Variants in PTPRD observed in about 807,000 individuals in gnomAD.
PTPRD encodes the protein receptor-type tyrosine-protein phosphatase delta.
Under a neutral mutation model 214.5 loss-of-function variants are expected in PTPRD, and 34 were observed. The ratio of observed to expected loss-of-function variants is 0.16; its 90% CI spans 0.12 to 0.21. The LOEUF (loss-of-function observed/expected upper bound fraction) is 0.21. PTPRD is among the 10% of genes least tolerant of loss of function. The pLI is 1.00. For missense variants in PTPRD, 2,545 were observed against 2,398.7 expected (o/e 1.06, Z -1.27); for synonymous variants, 1,128 against 845.7 (o/e 1.33, Z -5.79).
chr9:10,139,401 A>T (rs1396742470), intron 3 of PTPRD, among the ~76,000 whole-genome samples: 1 of 152,112 alleles, frequency 6.6e-6, no homozygotes, highest in Non-Finnish European at 1.5e-5. Context: ...ATGGAAAAAC[A>T]TTCCATTCTC....
chr9:10,515,397 T>C (rs1455405123), intron 2 of PTPRD, among the ~76,000 whole-genome samples: 1 of 146,402 alleles, frequency 6.8e-6, no homozygotes, highest in Admixed American at 6.8e-5. Context: ...GGTCTTTTAT[T>C]ACCATAAAAG....
intron 10 of PTPRD, among the ~76,000 whole-genome samples, chr9:9,058,248 G>T (rs12000968): frequency 0.055 from 8,424 of 152,018 alleles, 408 homozygotes; most frequent in African/African-American, 0.13. Flanking sequence ...TCAACCGAGA[G>T]AAGTAAGTTG....
intron 8 of PTPRD, among the ~76,000 whole-genome samples, chr9:9,466,143 A>G (rs1193215921): frequency 6.6e-6 from 1 of 151,980 alleles, no homozygotes; most frequent in Non-Finnish European, 1.5e-5. Flanking sequence ...CCTCCTCTAT[A>G]TAAAAAAATA....
At chr9:8,847,786 T>C (rs918955117) in intron 11 of PTPRD, among the ~76,000 whole-genome samples, 2 of 152,286 alleles carry the variant, frequency 1.3e-5, no homozygotes, top group Non-Finnish European at 1.5e-5. Flanking sequence ...TCCACCCTTA[T>C]TGATAATGAA....
intron 24 of PTPRD, 100 bp from the exon 25 acceptor site, chr9:8,499,940 T>G (rs1019403657): frequency 2.5e-5 from 25 of 998,950 alleles, no homozygotes; most frequent in Non-Finnish European, 3.5e-5. Flanking sequence ...TTTCAAAAAA[T>G]GGGTAAACCC....
intron 7 of PTPRD, among the ~76,000 whole-genome samples, chr9:9,665,042 CAT>C (rs2096691502): frequency 6.6e-6 from 1 of 151,528 alleles, no homozygotes; most frequent in African/African-American, 2.4e-5. Context: ...TGTCACTCTT[CAT>C]ATGTGTATAT....
intron 3 of PTPRD, among the ~76,000 whole-genome samples, chr9:10,035,338 AC>A (rs1432457189): frequency 6.6e-6 from 1 of 151,748 alleles, no homozygotes; most frequent in Admixed American, 6.6e-5. Flanking sequence ...TGGATATTAG[AC>A]CTTTGTCATA....
intron 2 of PTPRD, among the ~76,000 whole-genome samples, chr9:10,526,760 G>C (rs1025846421): frequency 6.6e-6 from 1 of 152,080 alleles, no homozygotes; most frequent in Non-Finnish European, 1.5e-5. Context: ...GTTCCTTAAA[G>C]TTACAGTAGT....
At chr9:10,176,931 G>C (rs566828513) in intron 3 of PTPRD, among the ~76,000 whole-genome samples, 2 of 152,004 alleles carry the variant, frequency 1.3e-5, no homozygotes, top group Admixed American at 1.3e-4. Flanking sequence ...CAAACAGCAA[G>C]CACAGCATAT....
intron 10 of PTPRD, among the ~76,000 whole-genome samples, chr9:9,170,289 A>C (rs1192391987): frequency 6.6e-6 from 1 of 152,168 alleles, no homozygotes; most frequent in Non-Finnish European, 1.5e-5. Context: ...CTTGTTCAAA[A>C]TCACTGTGAT....
At chr9:10,556,870 A>C (rs1011511366) in intron 2 of PTPRD, among the ~76,000 whole-genome samples, 6 of 152,146 alleles carry the variant, frequency 3.9e-5, no homozygotes, top group African/African-American at 1.2e-4. Flanking sequence ...TATCCAATAC[A>C]ATCAAGAGTG....
intron 3 of PTPRD, among the ~76,000 whole-genome samples, chr9:10,041,191 G>C (rs2097291096): frequency 1.3e-5 from 2 of 151,930 alleles, no homozygotes; most frequent in South Asian, 4.1e-4. Context: ...ATGATATTTT[G>C]TTTTTTCATG....
chr9:8,647,560 T>A (rs1176015196), intron 12 of PTPRD, among the ~76,000 whole-genome samples: 2 of 152,222 alleles, frequency 1.3e-5, no homozygotes, highest in East Asian at 3.8e-4. Flanking sequence ...TTGTTTCTGC[T>A]ATTTCAATCA....
chr9:9,363,469 G>C (rs1056218452), intron 9 of PTPRD, among the ~76,000 whole-genome samples: 2 of 151,274 alleles, frequency 1.3e-5, no homozygotes, highest in African/African-American at 4.8e-5. Flanking sequence ...ATGAGTTGTA[G>C]CATTTTATTT....
intron 2 of PTPRD, among the ~76,000 whole-genome samples, chr9:10,465,085 T>C (rs1296276807): frequency 3.3e-5 from 5 of 152,152 alleles, no homozygotes; most frequent in African/African-American, 7.2e-5. Flanking sequence ...GTGTTATTTA[T>C]AGAAAACACT....
intron 2 of PTPRD, among the ~76,000 whole-genome samples, chr9:10,470,925 T>C (rs554332183): frequency 6.6e-6 from 1 of 151,926 alleles, no homozygotes; most frequent in African/African-American, 2.4e-5. Flanking sequence ...AGAAACTGGA[T>C]AAAGAAAATG....
At chr9:9,214,854 T>A (rs1569563233) in intron 9 of PTPRD, among the ~76,000 whole-genome samples, 1 of 152,174 alleles carries the variant, frequency 6.6e-6, no homozygotes, top group Admixed American at 6.6e-5. Flanking sequence ...ACTAACAGTA[T>A]TACTTTTAAC....
intron 2 of PTPRD, among the ~76,000 whole-genome samples, chr9:10,543,475 T>TAGACACAC (rs201493444): frequency 9.6e-6 from 1 of 104,262 alleles, no homozygotes; most frequent in Admixed American, 1.1e-4. Flanking sequence ...TTAATATATA[T>TAGACACAC]ATATACACAC....
intron 11 of PTPRD, among the ~76,000 whole-genome samples, chr9:8,960,158 C>T (rs1213709287): frequency 6.6e-6 from 1 of 152,040 alleles, no homozygotes; most frequent in Non-Finnish European, 1.5e-5. Context: ...CAATTTCCTT[C>T]TTTGTACAAT....
Sources: gnomAD v4.1 joint callset for allele counts (sites outside exome capture counted in the v4.1 genomes callset) on GRCh38, gnomAD v4.1.1 for gene constraint, MANE v1.5 for transcripts, NCBI Gene and HGNC (gene_info 2026-07-23, HGNC 2026-07-21) for gene names.